The following LRBA variants were observed in gnomAD, a reference collection of about 807,000 sequenced individuals.
LRBA encodes LPS responsive beige-like anchor protein, also known as lipopolysaccharide-responsive and beige-like anchor protein.
Under a neutral mutation model 330.0 loss-of-function variants are expected in LRBA, and 176 were observed. That is an observed-to-expected ratio of 0.53 (90% confidence interval 0.47 to 0.60). The LOEUF (loss-of-function observed/expected upper bound fraction) is 0.60. Among genes scored for constraint, LRBA ranks in the 20% least tolerant of loss-of-function variants. LRBA has a pLI of 0.00. For synonymous variants in LRBA, 1,230 were observed against 1,193.0 expected, an observed-to-expected ratio of 1.03 and a Z score of -0.64; for missense variants, 3,259 against 3,444.8, an observed-to-expected ratio of 0.95 and a Z score of 1.35.
chr4:150,690,395 C>T (rs887064411), intron 36 of LRBA, among the ~76,000 whole-genome samples: 4 of 151,168 alleles, frequency 2.6e-5, no homozygotes, highest in Admixed American at 2.6e-4. Context: ...CCCAGGTACT[C>T]AGGAGGCTGA....
chr4:150,749,247 GA>G (rs150689840), intron 35 of LRBA, among the ~76,000 whole-genome samples: 42 of 148,196 alleles, frequency 2.8e-4, no homozygotes, highest in Non-Finnish European at 4.3e-4. Flanking sequence ...GGCAATAACA[GA>G]AAAAAAAAAT....
At chr4:150,645,853 A>T (rs1387301544) in intron 37 of LRBA, among the ~76,000 whole-genome samples, 2 of 151,944 alleles carry the variant, frequency 1.3e-5, no homozygotes, top group Non-Finnish European at 2.9e-5. Flanking sequence ...GACAGGCAAC[A>T]GTAACTATGA....
In LRBA at chr4:150,852,364, C is replaced by T. The variant is rs1422701658; in HGVS notation, c.3346G>A (p.Glu1116Lys). ...EDDDYVELKV[E>K]GSPTEEANLP... ...TTAGCTTCCTCAGTAGGACTGCCTT[C>T]TACTTTCAGTTCCACATAATCATCA... is the stretch of plus-strand genomic sequence containing the variant. Residue 1116 changes from glutamate to lysine, a missense_variant, in exon 23 of 57, where the codon GAA becomes AAA. Physicochemically the swap from Glu to Lys is moderately conservative, Grantham distance 56 (BLOSUM62 1). Coordinates refer to ENST00000651943, the MANE Select transcript of LRBA (RefSeq NM_001364905.1). The T allele has an allele frequency of 6.2e-7, 1 of 1,613,658 alleles. No homozygotes were observed. Among genetic ancestry groups the T allele is most frequent in the Non-Finnish European group, 8.5e-7 (1 of 1,179,964 alleles).
chr4:150,981,363 A>G (rs1740810176), intron 2 of LRBA, among the ~76,000 whole-genome samples: 1 of 149,944 alleles, frequency 6.7e-6, no homozygotes, highest in Admixed American at 6.7e-5. Context: ...TGGTGAGCTG[A>G]GATCACACCA....
chr4:150,613,346 G>A (rs1213581817), intron 37 of LRBA, among the ~76,000 whole-genome samples: 5 of 152,190 alleles, frequency 3.3e-5, no homozygotes, highest in Non-Finnish European at 7.3e-5. Context: ...AGTAATAGAA[G>A]CCTTCTTAGA....
intron 47 of LRBA, among the ~76,000 whole-genome samples, chr4:150,401,184 G>C (rs1488397596): frequency 6.6e-6 from 1 of 152,244 alleles, no homozygotes; most frequent in East Asian, 1.9e-4. Context: ...GCCTGGAACA[G>C]ATCCTTCTCT....
At chr4:150,276,582 GA>G (rs1161752397) in intron 56 of LRBA, among the ~76,000 whole-genome samples, 12 of 151,966 alleles carry the variant, frequency 7.9e-5, no homozygotes, top group Non-Finnish European at 7.4e-5. Context: ...AAATTTACAA[GA>G]AAAAAACAAC....
intron 36 of LRBA, among the ~76,000 whole-genome samples, chr4:150,708,653 A>G (rs1316283040): frequency 6.6e-6 from 1 of 151,850 alleles, no homozygotes; most frequent in African/African-American, 2.4e-5. Context: ...TTATAGTAAA[A>G]CATGTTTTAT....
At chr4:150,878,392 G>C (rs1445183091) in intron 17 of LRBA, among the ~76,000 whole-genome samples, 1 of 151,738 alleles carries the variant, frequency 6.6e-6, no homozygotes, top group Non-Finnish European at 1.5e-5. Flanking sequence ...CAAAAAGCTA[G>C]AAAGATCTAA....
chr4:150,563,574 G>A (rs1768674292), intron 40 of LRBA, among the ~76,000 whole-genome samples: 1 of 152,164 alleles, frequency 6.6e-6, no homozygotes, highest in African/African-American at 2.4e-5. Context: ...TATTCGAATA[G>A]GAAGAGAGAA....
intron 40 of LRBA, among the ~76,000 whole-genome samples, chr4:150,558,502 C>T (rs962505877): frequency 2.6e-5 from 4 of 152,160 alleles, no homozygotes; most frequent in Admixed American, 2.0e-4. Context: ...GACCTAATCC[C>T]ATTATTCTAT....
intron 44 of LRBA, among the ~76,000 whole-genome samples, chr4:150,441,659 T>C (rs7683743): frequency 0.024 from 3,663 of 152,140 alleles, 151 homozygotes; most frequent in African/African-American, 0.082. Context: ...TCATAATAAA[T>C]AGGTAATCTA....
intron 47 of LRBA, among the ~76,000 whole-genome samples, chr4:150,394,502 G>T (rs1396465800): frequency 6.6e-6 from 1 of 152,132 alleles, no homozygotes; most frequent in African/African-American, 2.4e-5. Flanking sequence ...GGAGGAGGGG[G>T]CACAGGAGGA....
At chr4:150,945,295 C>T (rs1350942532) in intron 2 of LRBA, among the ~76,000 whole-genome samples, 1 of 152,106 alleles carries the variant, frequency 6.6e-6, no homozygotes, top group African/African-American at 2.4e-5. Flanking sequence ...GAAACTGAAA[C>T]ATTAGATATA....
At chr4:150,490,256 C>T (rs1758740662) in intron 41 of LRBA, among the ~76,000 whole-genome samples, 1 of 151,690 alleles carries the variant, frequency 6.6e-6, no homozygotes, top group Non-Finnish European at 1.5e-5. Flanking sequence ...AAACCATCAA[C>T]CCATGTATAT....
chr4:150,607,518 G>C (rs1774777672), intron 37 of LRBA, among the ~76,000 whole-genome samples: 1 of 151,270 alleles, frequency 6.6e-6, no homozygotes, highest in Admixed American at 6.6e-5. Context: ...TCGCATCCTA[G>C]ATGCCTAATA....
chr4:150,867,859 A>G lies in LRBA; in HGVS notation c.2578T>C (p.Leu860=). 1 of 1,604,984 alleles carries G rather than the reference A, an allele frequency of 6.2e-7. No individual in the cohort carries two copies. Among genetic ancestry groups the G allele is most frequent in the East Asian group, 2.2e-5 (1 of 44,650 alleles). The change falls in exon 22 of 57, where the codon TTG becomes CTG. Residue 860 remains leucine (L), a synonymous_variant. Coordinates refer to ENST00000651943, the MANE Select transcript of LRBA (RefSeq NM_001364905.1). ...TCTTGCCACACAGAGCATTGTAGCAAGCTCCTGAAAATTATGAGAGGGTAC... is the reference window on the plus strand; with the variant it reads ...TCTTGCCACACAGAGCATTGTAGCAGGCTCCTGAAAATTATGAGAGGGTAC... The part of the protein sequence containing the change: ...FNNSRENRRS[L]LQCSVWQEWM...
intron 2 of LRBA, among the ~76,000 whole-genome samples, chr4:150,985,009 G>C (rs1251880951): frequency 6.6e-6 from 1 of 152,168 alleles, no homozygotes; most frequent in Non-Finnish European, 1.5e-5. Flanking sequence ...CGTAATCCCA[G>C]TACTTTGGGA....
At chr4:150,341,300 T>C (rs1185987095) in intron 48 of LRBA, among the ~76,000 whole-genome samples, 1 of 152,140 alleles carries the variant, frequency 6.6e-6, no homozygotes, top group African/African-American at 2.4e-5. Flanking sequence ...AAGCTGGAAC[T>C]ACAGGCGCAT....
Sources: allele counts gnomAD v4.1 joint callset (sites outside exome capture counted in the v4.1 genomes callset), GRCh38; gene constraint gnomAD v4.1.1; transcripts MANE v1.5; gene names NCBI Gene and HGNC (gene_info 2026-07-23, HGNC 2026-07-21).